MAF: variants seen among roughly 807,000 people sequenced by gnomAD.
The protein encoded by MAF is MAF bZIP transcription factor, also known as transcription factor Maf.
MAF carries 10 observed loss-of-function variants against 22.0 expected under a neutral mutation model. The ratio of observed to expected loss-of-function variants is 0.45; its 90% CI spans 0.28 to 0.77. The LOEUF (loss-of-function observed/expected upper bound fraction) is 0.77. Among genes scored for constraint, MAF ranks in the 30% least tolerant of loss-of-function variants. The pLI is 0.12. For missense variants in MAF, 544 were observed against 548.4 expected, an observed-to-expected ratio of 0.99 and a Z score of 0.08; for synonymous variants, 337 against 255.8, an observed-to-expected ratio of 1.32 and a Z score of -3.03.
At chr16:79,268,955 G>A in the MAF span, among the ~76,000 whole-genome samples, 1 of 152,200 alleles carries the variant, frequency 6.6e-6, no homozygotes, top group African/African-American at 2.4e-5. Context: ...GATCTCTTAG[G>A]AGTGTGAGAA....
the MAF span, chr16:79,206,230 TGGCTGAGAAGGC>T: frequency 1.3e-5 from 2 of 152,388 alleles, no homozygotes; most frequent in South Asian, 4.1e-4. Flanking sequence ...AGACATGGCC[TGGCTGAGAAGGC>T]GGCAGAGCAG....
the MAF span, among the ~76,000 whole-genome samples, chr16:79,362,514 T>C: frequency 6.6e-6 from 1 of 152,198 alleles, no homozygotes; most frequent in Non-Finnish European, 1.5e-5. Context: ...ATTAAAGTTA[T>C]TTATTAGTCA....
the MAF span, among the ~76,000 whole-genome samples, chr16:79,335,183 C>CAA: frequency 2.3e-3 from 202 of 86,258 alleles, no homozygotes; most frequent in South Asian, 0.027. Context: ...GACTCCATCT[C>CAA]AAAAAAAAAA....
the MAF span, among the ~76,000 whole-genome samples, chr16:79,324,701 G>A: frequency 3.9e-5 from 6 of 152,238 alleles, no homozygotes; most frequent in Non-Finnish European, 7.4e-5. Context: ...AGGCACAGGC[G>A]ACAGTCAGAC....
chr16:79,211,921 C>G, the MAF span: 1 of 1,542,612 alleles, frequency 6.5e-7, no homozygotes, highest in South Asian at 1.2e-5. Context: ...GAAATAAGAG[C>G]AGTCACAACA....
chr16:79,413,567 T>C, the MAF span, among the ~76,000 whole-genome samples: 2 of 152,004 alleles, frequency 1.3e-5, no homozygotes, highest in East Asian at 3.9e-4. Context: ...ACTTTACCTC[T>C]CTGAGCTATA....
intron 1 of MAF, chr16:79,596,651 T>C (rs1021537985): frequency 3.4e-5 from 35 of 1,038,650 alleles, no homozygotes; most frequent in Non-Finnish European, 4.1e-5. Flanking sequence ...AAGATTTTTT[T>C]ATATTTATTG....
At chr16:79,441,076 A>G in the MAF span, among the ~76,000 whole-genome samples, 3 of 152,240 alleles carry the variant, frequency 2.0e-5, no homozygotes, top group Admixed American at 6.5e-5. Flanking sequence ...TCAGAATGAC[A>G]TGTATTAATA....
chr16:79,487,712 T>G, the MAF span, among the ~76,000 whole-genome samples: 2 of 152,212 alleles, frequency 1.3e-5, no homozygotes, highest in African/African-American at 4.8e-5. Flanking sequence ...GATGGCTCAC[T>G]GTCCACATAG....
the MAF span, among the ~76,000 whole-genome samples, chr16:79,319,576 G>A: frequency 6.6e-6 from 1 of 152,162 alleles, no homozygotes; most frequent in Non-Finnish European, 1.5e-5. Context: ...AAGGGGCTGG[G>A]GGGACAATAA....
At chr16:79,504,501 G>C in the MAF span, among the ~76,000 whole-genome samples, 1 of 152,202 alleles carries the variant, frequency 6.6e-6, no homozygotes, top group African/African-American at 2.4e-5. Context: ...CTGAAGATTA[G>C]GTGGGAATCC....
chr16:79,267,481 C>G, the MAF span, among the ~76,000 whole-genome samples: 3 of 152,186 alleles, frequency 2.0e-5, no homozygotes, highest in Non-Finnish European at 4.4e-5. Context: ...GAGGAATCCC[C>G]TTTGCCCGCT....
At chr16:79,384,941 TG>T in the MAF span, among the ~76,000 whole-genome samples, 1 of 152,070 alleles carries the variant, frequency 6.6e-6, no homozygotes, top group African/African-American at 2.4e-5. Context: ...AGGAAATATT[TG>T]AAGAAGACAC....
At chr16:79,415,389 G>C in the MAF span, among the ~76,000 whole-genome samples, 5 of 152,104 alleles carry the variant, frequency 3.3e-5, no homozygotes, top group South Asian at 8.3e-4. Flanking sequence ...AGCAAGGAAG[G>C]GAGGGAAAGA....
chr16:79,349,835 C>G, the MAF span, among the ~76,000 whole-genome samples: 1,129 of 152,302 alleles, frequency 7.4e-3, 10 homozygotes, highest in African/African-American at 0.026. Flanking sequence ...CCTTTGCAAT[C>G]TGCCTTCAAT....
At chr16:79,502,230 T>A in the MAF span, among the ~76,000 whole-genome samples, 1 of 152,134 alleles carries the variant, frequency 6.6e-6, no homozygotes, top group Non-Finnish European at 1.5e-5. Flanking sequence ...AGCCTCACCA[T>A]TGACTAGCCA....
the MAF span, among the ~76,000 whole-genome samples, chr16:79,524,998 G>C: frequency 6.6e-6 from 1 of 152,184 alleles, no homozygotes; most frequent in African/African-American, 2.4e-5. Flanking sequence ...GCAAAACTGT[G>C]TAATAAGATT....
chr16:79,362,098 T>A, the MAF span, among the ~76,000 whole-genome samples: 5 of 152,206 alleles, frequency 3.3e-5, no homozygotes, highest in Admixed American at 6.5e-5. Context: ...ATCTGTGATA[T>A]CATGCCTCAG....
chr16:79,326,191 T>C, the MAF span, among the ~76,000 whole-genome samples: 1 of 152,250 alleles, frequency 6.6e-6, no homozygotes, highest in Non-Finnish European at 1.5e-5. Flanking sequence ...ATTATGCCTA[T>C]TTCCCCTTGT....
Sources: allele counts gnomAD v4.1 joint callset (sites outside exome capture counted in the v4.1 genomes callset), GRCh38; gene constraint gnomAD v4.1.1; transcripts MANE v1.5; gene names NCBI Gene and HGNC (gene_info 2026-07-23, HGNC 2026-07-21).